The following PPARGC1A variants were observed in gnomAD, a reference collection of about 807,000 sequenced individuals.
The protein encoded by PPARGC1A is peroxisome proliferator-activated receptor gamma coactivator 1-alpha.
Under a neutral mutation model 88.7 loss-of-function variants are expected in PPARGC1A, and 25 were observed. The ratio of observed to expected loss-of-function variants is 0.28; its 90% CI spans 0.21 to 0.39. The LOEUF (loss-of-function observed/expected upper bound fraction) is 0.39, where lower values mean the gene tolerates loss of function less well. PPARGC1A is among the 10% of genes least tolerant of loss of function. The pLI, the probability that PPARGC1A is intolerant of heterozygous loss-of-function variation, is 1.00. For synonymous variants in PPARGC1A, 363 were observed against 355.6 expected, an observed-to-expected ratio of 1.02 and a Z score of -0.24; for missense variants, 880 against 968.7, an observed-to-expected ratio of 0.91 and a Z score of 1.22.
the PPARGC1A span, among the ~76,000 whole-genome samples, chr4:24,286,765 T>G: frequency 6.6e-6 from 1 of 152,150 alleles, no homozygotes; most frequent in Admixed American, 6.5e-5. Context: ...ATCTCACAGC[T>G]TCAGTGAACC....
the PPARGC1A span, among the ~76,000 whole-genome samples, chr4:24,464,737 T>C: frequency 6.6e-6 from 1 of 152,146 alleles, no homozygotes; most frequent in Admixed American, 6.6e-5. Flanking sequence ...GGGAAGCAGA[T>C]TAGAACTACA....
At chr4:24,447,555 G>C in the PPARGC1A span, among the ~76,000 whole-genome samples, 2 of 152,236 alleles carry the variant, frequency 1.3e-5, no homozygotes, top group Non-Finnish European at 2.9e-5. Context: ...CACTTCACAG[G>C]AGATGTGGCT....
At chr4:23,882,358 T>A (rs1180004085) in intron 2 of PPARGC1A, among the ~76,000 whole-genome samples, 1 of 152,188 alleles carries the variant, frequency 6.6e-6, no homozygotes, top group Non-Finnish European at 1.5e-5. Flanking sequence ...TCATTAGTAA[T>A]TTATAAAGGG....
At chr4:24,422,032 A>C in the PPARGC1A span, among the ~76,000 whole-genome samples, 1 of 152,382 alleles carries the variant, frequency 6.6e-6, no homozygotes, top group African/African-American at 2.4e-5. Flanking sequence ...GTCGTACTAA[A>C]AGGATTGAAG....
Position 23,795,870 on chromosome 4 carries a change from C to A in PPARGC1A, c.2349G>T (p.Leu783=). 1 of 1,611,220 alleles carries A rather than the reference C, an allele frequency of 6.2e-7. No homozygotes were observed. Among genetic ancestry groups the A allele is most frequent in the South Asian group, 1.1e-5 (1 of 90,722 alleles). Residue 783 remains leucine, a synonymous_variant, in exon 13 of 13, where the codon CTG becomes CTT. Transcript: ENST00000264867. ...PASTKSKYDS[L]DFDSLLKEAQ... ...CTTCTTTCAGTAAACTATCAAAATCCAGAGAGTCATACTTGCTCTTGGTGG... is the reference window on the plus strand; with the variant it reads ...CTTCTTTCAGTAAACTATCAAAATCAAGAGAGTCATACTTGCTCTTGGTGG...
chr4:24,186,903 G>A, the PPARGC1A span, among the ~76,000 whole-genome samples: 6 of 152,184 alleles, frequency 3.9e-5, no homozygotes, highest in Non-Finnish European at 7.3e-5. Context: ...GCTTCTGCAC[G>A]TGCAGTCAGC....
the PPARGC1A span, among the ~76,000 whole-genome samples, chr4:24,468,518 A>T: frequency 6.6e-6 from 1 of 152,286 alleles, no homozygotes; most frequent in South Asian, 2.1e-4. Flanking sequence ...CAGATATAGG[A>T]CGAAATTTCC....
At chr4:24,212,123 C>T in the PPARGC1A span, among the ~76,000 whole-genome samples, 1 of 152,204 alleles carries the variant, frequency 6.6e-6, no homozygotes, top group Non-Finnish European at 1.5e-5. Flanking sequence ...ATCTTCAAGA[C>T]GTTTCTTGAT....
chr4:24,309,260 T>C, the PPARGC1A span, among the ~76,000 whole-genome samples: 1 of 152,052 alleles, frequency 6.6e-6, no homozygotes, highest in African/African-American at 2.4e-5. Flanking sequence ...TTAGGCAAGG[T>C]AGCTTTAAGA....
chr4:24,035,874 G>A, the PPARGC1A span, among the ~76,000 whole-genome samples: 3 of 152,318 alleles, frequency 2.0e-5, no homozygotes, highest in Non-Finnish European at 1.5e-5. Flanking sequence ...AGTGCTAGAA[G>A]TTACTATTCA....
intron 2 of PPARGC1A, among the ~76,000 whole-genome samples, chr4:23,852,771 G>T (rs1729532442): frequency 6.6e-6 from 1 of 151,962 alleles, no homozygotes; most frequent in Non-Finnish European, 1.5e-5. Flanking sequence ...ACCATATAAA[G>T]CCTAGTTTTT....
At chr4:23,858,643 A>G (rs896084581) in intron 2 of PPARGC1A, among the ~76,000 whole-genome samples, 2 of 152,226 alleles carry the variant, frequency 1.3e-5, no homozygotes, top group African/African-American at 4.8e-5. Flanking sequence ...TTGAAGACCT[A>G]AGAAAGTCCT....
the PPARGC1A span, among the ~76,000 whole-genome samples, chr4:24,383,885 G>A: frequency 1.3e-5 from 2 of 152,048 alleles, no homozygotes; most frequent in Non-Finnish European, 2.9e-5. Context: ...ACGCCACAAA[G>A]ATACTTCTCG....
the PPARGC1A span, among the ~76,000 whole-genome samples, chr4:24,298,973 C>CGGAAG: frequency 6.6e-6 from 1 of 152,180 alleles, no homozygotes; most frequent in African/African-American, 2.4e-5. Context: ...AACTCCTCTT[C>CGGAAG]CTACAGCAAT....
the PPARGC1A span, among the ~76,000 whole-genome samples, chr4:24,368,347 G>A: frequency 6.3e-4 from 96 of 152,214 alleles, 1 homozygote; most frequent in African/African-American, 1.8e-3. Flanking sequence ...TGGGACAGCC[G>A]CAGAAGGTTA....
the PPARGC1A span, among the ~76,000 whole-genome samples, chr4:23,911,313 T>C: frequency 2.0e-5 from 3 of 152,320 alleles, no homozygotes; most frequent in South Asian, 4.1e-4. Flanking sequence ...ATAATCAAAA[T>C]AGCATTTCCA....
At chr4:24,014,980 T>C in the PPARGC1A span, among the ~76,000 whole-genome samples, 7 of 152,176 alleles carry the variant, frequency 4.6e-5, no homozygotes, top group Non-Finnish European at 1.0e-4. Flanking sequence ...CATCGTGATA[T>C]TCTGTCGAGA....
At chr4:24,461,997 G>C in the PPARGC1A span, among the ~76,000 whole-genome samples, 1 of 152,060 alleles carries the variant, frequency 6.6e-6, no homozygotes, top group African/African-American at 2.4e-5. Context: ...CAGGTGGGTG[G>C]GGCTCCACTT....
At chr4:24,355,240 T>A in the PPARGC1A span, among the ~76,000 whole-genome samples, 26 of 152,222 alleles carry the variant, frequency 1.7e-4, no homozygotes, top group African/African-American at 6.3e-4. Flanking sequence ...TTATGAGGCA[T>A]GGCCCAGCAT....
Sources: allele counts gnomAD v4.1 joint callset (sites outside exome capture counted in the v4.1 genomes callset), GRCh38; gene constraint gnomAD v4.1.1; transcripts MANE v1.5; gene names NCBI Gene and HGNC (gene_info 2026-07-23, HGNC 2026-07-21).